The following LRP1B variants were observed in gnomAD, a reference collection of about 807,000 sequenced individuals.
LRP1B encodes low-density lipoprotein receptor-related protein 1B.
A neutral mutation model predicts 556.6 loss-of-function variants in LRP1B; 217 were observed. The ratio of observed to expected loss-of-function variants is 0.39; its 90% CI spans 0.35 to 0.44. The LOEUF (loss-of-function observed/expected upper bound fraction) is 0.44. Ranked by LOEUF, LRP1B falls within the 20% of genes least tolerant of loss-of-function variation. The pLI is 1.00. For synonymous variants in LRP1B, 2,047 were observed against 1,865.8 expected, an observed-to-expected ratio of 1.10 and a Z score of -2.50; for missense variants, 5,053 against 5,620.8, an observed-to-expected ratio of 0.90 and a Z score of 3.23.
At chr2:140,311,877 T>A (rs1403814153) in intron 83 of LRP1B, among the ~76,000 whole-genome samples, 49 of 151,940 alleles carry the variant, frequency 3.2e-4, no homozygotes, top group African/African-American at 1.1e-3. Context: ...CTGTGGATTT[T>A]ATGCCCCACG....
intron 63 of LRP1B, among the ~76,000 whole-genome samples, chr2:140,448,932 C>A (rs1686776802): frequency 6.6e-6 from 1 of 151,918 alleles, no homozygotes; most frequent in South Asian, 2.1e-4. Context: ...AAACAAGGAT[C>A]ATAGAGAAGC....
In LRP1B at chr2:140,546,000, T is replaced by TGTG. The variant is rs1680321567; in HGVS notation, c.7195-4030_7195-4029insCAC. On this transcript the variant is annotated intron_variant, in intron 43 of 90. Coordinates refer to ENST00000389484, the MANE Select transcript of LRP1B (RefSeq NM_018557.3). ...CTCACTGGTTAGCTGTATTATTAGG[T>TGTG]TGTGTGTGTGTGTGTGTGTGTGTGT... Among the ~76,000 whole-genome samples, 734 of 142,696 alleles carry TGTG rather than the reference T, an allele frequency of 5.1e-3. 6 individuals are homozygous for TGTG. The highest frequency in any genetic ancestry group is 0.018 in the African/African-American group (680 of 38,472). 93.6% of individuals were successfully genotyped at this position (142,696 alleles called of 152,430 possible).
At chr2:141,986,713 G>A (rs573914530) in intron 1 of LRP1B, among the ~76,000 whole-genome samples, 1 of 152,018 alleles carries the variant, frequency 6.6e-6, no homozygotes, top group South Asian at 2.1e-4. Flanking sequence ...TCTCTTAACT[G>A]ATGAAGATGT....
At chr2:141,425,927 A>G (rs1379660413) in intron 3 of LRP1B, among the ~76,000 whole-genome samples, 6 of 149,956 alleles carry the variant, frequency 4.0e-5, no homozygotes, top group Non-Finnish European at 8.9e-5. Flanking sequence ...TAGTTTAATT[A>G]GATCCCATTT....
intron 3 of LRP1B, among the ~76,000 whole-genome samples, chr2:141,352,119 G>A (rs1688467170): frequency 6.6e-6 from 1 of 151,926 alleles, no homozygotes; most frequent in African/African-American, 2.4e-5. Flanking sequence ...AGTAAGATTA[G>A]TTTGGATGCT....
At chr2:141,393,270 A>G (rs1283530444) in intron 3 of LRP1B, among the ~76,000 whole-genome samples, 1 of 152,134 alleles carries the variant, frequency 6.6e-6, no homozygotes, top group Non-Finnish European at 1.5e-5. Flanking sequence ...AGAGATGTTT[A>G]GAAGCAGTTA....
intron 43 of LRP1B, among the ~76,000 whole-genome samples, chr2:140,577,918 T>C (rs914604422): frequency 6.6e-6 from 1 of 152,226 alleles, no homozygotes; most frequent in Non-Finnish European, 1.5e-5. Context: ...GATTTAACTG[T>C]TATTTAAAGA....
In LRP1B at chr2:141,348,568, T is replaced by C. The variant is rs369194027; in HGVS notation, c.344-93927A>G. 4.6e-5 allele frequency among the ~76,000 whole-genome samples: 7 copies of C among 152,150 alleles called. No homozygotes were observed. The East Asian group carries it at 1.2e-3, about 25-fold the overall frequency. On this transcript the variant is annotated intron_variant, in intron 3 of 90. Transcript: ENST00000389484. ...TATAACTAAAATATCATTATACGTA[T>C]ATATGCAAATCACATTACATTTCCC...
intron 18 of LRP1B, among the ~76,000 whole-genome samples, chr2:140,966,666 A>G (rs1668737405): frequency 6.6e-6 from 1 of 152,170 alleles, no homozygotes. Context: ...TAGAGTTTTT[A>G]TGGTTTTAAG....
At position 141,750,640 on chromosome 2, in the gene LRP1B, T is replaced by C. The variant is rs186919051; in HGVS notation, c.205+59639A>G. Among the ~76,000 whole-genome samples, 287 of 152,290 alleles carry C rather than the reference T, an allele frequency of 1.9e-3. 2 individuals are homozygous for C. The highest frequency in any genetic ancestry group is 6.6e-3 in the African/African-American group (274 of 41,580). ...AATTTCCTCTTCTTCTATTTGATTA[T>C]AATGAATAAAGCAATGGGTCTGTCA... On this transcript the variant is annotated intron_variant, in intron 2 of 90. Coordinates refer to ENST00000389484, the MANE Select transcript of LRP1B (RefSeq NM_018557.3).
At chr2:140,666,826 C>G (rs753728026) in intron 41 of LRP1B, among the ~76,000 whole-genome samples, 40 of 152,120 alleles carry the variant, frequency 2.6e-4, no homozygotes, top group Admixed American at 5.9e-4. Context: ...CGGGAAAACA[C>G]CAGAAAGAAA....
At chr2:140,467,409 G>T (rs1558902502) in intron 60 of LRP1B, among the ~76,000 whole-genome samples, 2 of 151,568 alleles carry the variant, frequency 1.3e-5, no homozygotes, top group Non-Finnish European at 2.9e-5. Context: ...TTCAAAACCA[G>T]CCTGGCCAAC....
chr2:140,758,686 TC>T (rs2104910398), intron 35 of LRP1B, among the ~76,000 whole-genome samples: 1 of 152,132 alleles, frequency 6.6e-6, no homozygotes, highest in Non-Finnish European at 1.5e-5. Flanking sequence ...CTCATTAGTA[TC>T]CTTTATTGTT....
chr2:140,796,947 A>G (rs188622168), intron 32 of LRP1B, among the ~76,000 whole-genome samples: 9 of 151,202 alleles, frequency 6.0e-5, no homozygotes, highest in African/African-American at 2.2e-4. Flanking sequence ...GCTTCTCTTT[A>G]TTTGTATTAT....
intron 87 of LRP1B, among the ~76,000 whole-genome samples, chr2:140,240,231 C>T (rs1409395897): frequency 6.6e-6 from 1 of 150,770 alleles, no homozygotes; most frequent in Non-Finnish European, 1.5e-5. Context: ...ACAGTTTTAG[C>T]AAGACATATT....
chr2:140,960,782 A>G (rs183366552), intron 18 of LRP1B, among the ~76,000 whole-genome samples: 27 of 152,124 alleles, frequency 1.8e-4, no homozygotes, highest in African/African-American at 3.6e-4. Context: ...GATTATTTAC[A>G]TATGAAATTA....
At chr2:141,505,778 T>C (rs929605797) in intron 2 of LRP1B, among the ~76,000 whole-genome samples, 1 of 152,036 alleles carries the variant, frequency 6.6e-6, no homozygotes, top group African/African-American at 2.4e-5. Context: ...TCCATTAAGA[T>C]TGCTTTAGGG....
At chr2:140,563,502 C>A (rs991317969) in intron 43 of LRP1B, among the ~76,000 whole-genome samples, 5 of 152,120 alleles carry the variant, frequency 3.3e-5, no homozygotes, top group African/African-American at 1.2e-4. Context: ...TTGTACAGCT[C>A]AGCCTTACGA....
chr2:140,351,946 A>T (rs1025221456), intron 76 of LRP1B, among the ~76,000 whole-genome samples: 13 of 152,036 alleles, frequency 8.6e-5, no homozygotes, highest in African/African-American at 3.1e-4. Context: ...CACAGTCTAA[A>T]AGGTGCTGTG....
Sources: gnomAD v4.1 joint callset for allele counts (sites outside exome capture counted in the v4.1 genomes callset) on GRCh38, gnomAD v4.1.1 for gene constraint, MANE v1.5 for transcripts, NCBI Gene and HGNC (gene_info 2026-07-23, HGNC 2026-07-21) for gene names.